Variants in PLEKHA7 observed in about 807,000 individuals in gnomAD.
The protein encoded by PLEKHA7 is pleckstrin homology domain containing A7.
Under a neutral mutation model 170.0 loss-of-function variants are expected in PLEKHA7, and 104 were observed. That is an observed-to-expected ratio of 0.61 (90% confidence interval 0.52 to 0.72). PLEKHA7 has a LOEUF of 0.72. Among genes scored for constraint, PLEKHA7 ranks in the 30% least tolerant of loss-of-function variants. PLEKHA7 has a pLI of 0.00. For missense variants in PLEKHA7, 1,615 were observed against 1,671.7 expected (o/e 0.97, Z 0.59); for synonymous variants, 648 against 660.8 (o/e 0.98, Z 0.30).
At chr11:16,989,963 T>A (rs577403676) in intron 3 of PLEKHA7, among the ~76,000 whole-genome samples, 1 of 152,056 alleles carries the variant, frequency 6.6e-6, no homozygotes, top group South Asian at 2.1e-4. Flanking sequence ...GTCTTCCCCA[T>A]CCACAAAACC....
rs1417558110 is a variant in PLEKHA7 at position 16,847,081 on chromosome 11, TTTTTTTTTC to T, written c.696+4101_696+4109del. ...GGCATTCCAGGCTGTGGCTGAAGTT[TTTTTTTTTC>T]TTTTTTTTTTTTTTTTTTTTTTTTG... On this transcript the variant is annotated intron_variant, in intron 8 of 26. Coordinates refer to ENST00000531066, the MANE Select transcript of PLEKHA7 (RefSeq NM_001329630.2). 5.6e-3 allele frequency among the ~76,000 whole-genome samples: 688 copies of T among 122,346 alleles called. 2 individuals carry two copies. The highest frequency in any genetic ancestry group is 0.014 in the African/African-American group (486 of 34,734). The allele number at this position is 122,346 out of a possible 152,430, so 80.3% of individuals were successfully genotyped here. A position where few individuals can be genotyped will look rare whatever the true frequency, so the allele number is the denominator to read the frequency against.
At chr11:16,919,038 C>A (rs1274359716) in intron 3 of PLEKHA7, among the ~76,000 whole-genome samples, 3 of 152,100 alleles carry the variant, frequency 2.0e-5, no homozygotes, top group African/African-American at 7.2e-5. Flanking sequence ...TGATGAAACC[C>A]CATCTCTACT....
chr11:16,850,150 G>A (rs1192216390), intron 8 of PLEKHA7, among the ~76,000 whole-genome samples: 1 of 152,180 alleles, frequency 6.6e-6, no homozygotes, highest in Non-Finnish European at 1.5e-5. Flanking sequence ...CTTACCTTGA[G>A]CTTTCCCGTG....
At chr11:16,901,501 CTT>C (rs533225170) in intron 3 of PLEKHA7, among the ~76,000 whole-genome samples, 37 of 152,280 alleles carry the variant, frequency 2.4e-4, no homozygotes, top group Admixed American at 6.5e-4. Context: ...CCCAATATGT[CTT>C]TTCTCTTTTT....
chr11:16,937,115 C>A (rs992241082), intron 3 of PLEKHA7, among the ~76,000 whole-genome samples: 4 of 149,082 alleles, frequency 2.7e-5, no homozygotes, highest in Admixed American at 6.7e-5. Flanking sequence ...TTGTTAATAA[C>A]CGTGGAGTAA....
At chr11:16,891,210 T>G (rs759478146) in intron 3 of PLEKHA7, among the ~76,000 whole-genome samples, 1 of 152,052 alleles carries the variant, frequency 6.6e-6, no homozygotes, top group Non-Finnish European at 1.5e-5. Context: ...CCACCCAGAC[T>G]CAAAAAATAT....
intron 9 of PLEKHA7, among the ~76,000 whole-genome samples, chr11:16,835,584 G>C (rs986001295): frequency 6.6e-6 from 1 of 152,186 alleles, no homozygotes; most frequent in Non-Finnish European, 1.5e-5. Flanking sequence ...CTGATAGGGA[G>C]CACCTACTAT....
At chr11:16,797,445 T>C (rs1390072472) in intron 17 of PLEKHA7, among the ~76,000 whole-genome samples, 1 of 152,180 alleles carries the variant, frequency 6.6e-6, no homozygotes, top group Non-Finnish European at 1.5e-5. Flanking sequence ...GCCTGGCACT[T>C]AGCAGGTTCT....
At chr11:16,887,501 C>T (rs1276015486) in intron 3 of PLEKHA7, among the ~76,000 whole-genome samples, 1 of 152,200 alleles carries the variant, frequency 6.6e-6, no homozygotes, top group Admixed American at 6.5e-5. Context: ...CTGCCTGATT[C>T]TCCTGCCTCA....
At chr11:16,885,574 GA>G (rs953140526) in intron 3 of PLEKHA7, among the ~76,000 whole-genome samples, 7 of 144,846 alleles carry the variant, frequency 4.8e-5, no homozygotes, top group African/African-American at 1.7e-4. Flanking sequence ...GAGGCAGGAG[GA>G]AAAAAAAGAA....
At chr11:16,985,070 G>A (rs1285884171) in intron 3 of PLEKHA7, among the ~76,000 whole-genome samples, 1 of 152,168 alleles carries the variant, frequency 6.6e-6, no homozygotes, top group African/African-American at 2.4e-5. Context: ...CAGCGGGCTG[G>A]GCACCTCCTC....
intron 3 of PLEKHA7, among the ~76,000 whole-genome samples, chr11:16,889,417 AAAAAT>A (rs1312245109): frequency 3.6e-5 from 4 of 111,340 alleles, no homozygotes; most frequent in East Asian, 2.3e-4. Flanking sequence ...AAAAAAAAAA[AAAAAT>A]ATATATATAT....
chr11:16,984,661 C>T (rs1193080007), intron 3 of PLEKHA7, among the ~76,000 whole-genome samples: 2 of 152,222 alleles, frequency 1.3e-5, no homozygotes, highest in Non-Finnish European at 2.9e-5. Context: ...CTCCATAGCA[C>T]TTACCATCCT....
At chr11:16,944,055 T>G (rs529090052) in intron 3 of PLEKHA7, among the ~76,000 whole-genome samples, 5 of 152,114 alleles carry the variant, frequency 3.3e-5, no homozygotes, top group Non-Finnish European at 7.4e-5. Flanking sequence ...CCAAACCACC[T>G]TGAAAGAATT....
Position 16,794,656 on chromosome 11 carries a change from C to G in PLEKHA7, c.2577G>C (p.Glu859Asp), listed in dbSNP as rs1848092310. Reference sequence around the variant, plus strand: ...GACTGGGCTGTGGGGGCGGCTTGCTCTCAGAAGTTGAGAGTGAAGGCACAG... The same window carrying G: ...GACTGGGCTGTGGGGGCGGCTTGCTGTCAGAAGTTGAGAGTGAAGGCACAG... ...HPPVPSLSTS[E>D]SKPPPQPSPP... The change falls in exon 19 of 27, where the codon GAG becomes GAC. Residue 859 changes from glutamate (E) to aspartate (D), a missense_variant. Glu to Asp is a conservative substitution (Grantham distance 45, BLOSUM62 2). Transcript: ENST00000531066. 1 of 1,614,032 alleles carries G rather than the reference C, an allele frequency of 6.2e-7. No individual in the cohort carries two copies. Among genetic ancestry groups the G allele is most frequent in the Non-Finnish European group, 8.5e-7 (1 of 1,179,984 alleles).
At chr11:16,896,969 T>C (rs1157192191) in intron 3 of PLEKHA7, among the ~76,000 whole-genome samples, 5 of 152,200 alleles carry the variant, frequency 3.3e-5, no homozygotes, top group Non-Finnish European at 5.9e-5. Flanking sequence ...GTTGTTGTGC[T>C]TACCCTGCTT....
chr11:16,980,750 C>T lies in PLEKHA7; in HGVS notation c.221+33239G>A, dbSNP rs919155305. On this transcript the variant is annotated intron_variant, in intron 3 of 26. Coordinates refer to ENST00000531066, the MANE Select transcript of PLEKHA7 (RefSeq NM_001329630.2). ...CAGCCTGGCCAACATGAAGAAACCCCGTCTCTACTAAAAATACAAAAAAAT... is the reference window on the plus strand; with the variant it reads ...CAGCCTGGCCAACATGAAGAAACCCTGTCTCTACTAAAAATACAAAAAAAT... 1.1e-4 allele frequency among the ~76,000 whole-genome samples: 16 copies of T among 152,096 alleles called. No individual in the cohort carries two copies. The South Asian group carries it at 1.5e-3, about 14-fold the overall frequency.
intron 3 of PLEKHA7, among the ~76,000 whole-genome samples, chr11:16,959,878 A>G (rs912853272): frequency 7.9e-5 from 12 of 151,994 alleles, no homozygotes; most frequent in African/African-American, 2.9e-4. Context: ...ACTTCCCCCC[A>G]GGTACCAGGA....
intron 3 of PLEKHA7, among the ~76,000 whole-genome samples, chr11:16,902,043 C>T (rs1285838822): frequency 2.0e-5 from 3 of 152,188 alleles, no homozygotes; most frequent in African/African-American, 4.8e-5. Flanking sequence ...TTCTATCTCT[C>T]TGGATTTCCC....
Sources: allele counts gnomAD v4.1 joint callset (sites outside exome capture counted in the v4.1 genomes callset), GRCh38; gene constraint gnomAD v4.1.1; transcripts MANE v1.5; gene names NCBI Gene and HGNC (gene_info 2026-07-23, HGNC 2026-07-21).